The following CCDC192 variants were observed in gnomAD, a reference collection of about 807,000 sequenced individuals.
CCDC192 encodes coiled-coil domain-containing protein 192.
chr5:127,718,270 G>A (rs1751755245), intron 2 of CCDC192, among the ~76,000 whole-genome samples: 1 of 152,124 alleles, frequency 6.6e-6, no homozygotes, highest in Admixed American at 6.6e-5. Flanking sequence ...AAGAAATTTA[G>A]AAAACACGTG....
intron 6 of CCDC192, among the ~76,000 whole-genome samples, chr5:127,891,964 G>T (rs940992241): frequency 1.3e-5 from 2 of 152,126 alleles, no homozygotes; most frequent in East Asian, 3.8e-4. Context: ...CAGCATATTT[G>T]TATCCTCCCA....
At chr5:127,769,656 G>A (rs1303083216) in intron 3 of CCDC192, among the ~76,000 whole-genome samples, 2 of 152,150 alleles carry the variant, frequency 1.3e-5, no homozygotes, top group Non-Finnish European at 2.9e-5. Flanking sequence ...AGAGAATTCT[G>A]TCCTAGAAAC....
At chr5:127,898,778 A>T (rs946294874) in intron 6 of CCDC192, among the ~76,000 whole-genome samples, 5 of 152,126 alleles carry the variant, frequency 3.3e-5, no homozygotes, top group African/African-American at 1.2e-4. Flanking sequence ...GGGAGGGAGA[A>T]AGACAGAGGT....
chr5:127,757,166 A>G (rs1189867171), intron 3 of CCDC192, among the ~76,000 whole-genome samples: 1 of 152,186 alleles, frequency 6.6e-6, no homozygotes, highest in Non-Finnish European at 1.5e-5. Context: ...AAATTGGAAG[A>G]CATGGAGAAT....
chr5:127,887,214 A>T (rs1752591870), intron 6 of CCDC192, among the ~76,000 whole-genome samples: 1 of 151,342 alleles, frequency 6.6e-6, no homozygotes, highest in African/African-American at 2.4e-5. Context: ...ATGTAATCCC[A>T]GCTACTCTGG....
chr5:127,912,093 T>G (rs1337318935), intron 6 of CCDC192, among the ~76,000 whole-genome samples: 2 of 151,700 alleles, frequency 1.3e-5, no homozygotes, highest in Non-Finnish European at 2.9e-5. Flanking sequence ...AGCTAATTTT[T>G]TTTTTTTTTT....
At chr5:127,854,784 C>T (rs889526654) in intron 5 of CCDC192, among the ~76,000 whole-genome samples, 2 of 152,052 alleles carry the variant, frequency 1.3e-5, no homozygotes, top group African/African-American at 2.4e-5. Flanking sequence ...TTTGGTTTCC[C>T]AGTGCATATA....
At chr5:127,749,857 A>C (rs1395442745) in intron 2 of CCDC192, among the ~76,000 whole-genome samples, 1 of 152,150 alleles carries the variant, frequency 6.6e-6, no homozygotes, top group Non-Finnish European at 1.5e-5. Context: ...TGTATATGTC[A>C]AGGAATTTAT....
At chr5:127,740,182 T>C (rs1485544806) in intron 2 of CCDC192, 1 of 152,236 alleles carries the variant, frequency 6.6e-6, no homozygotes, top group Non-Finnish European at 1.5e-5. Flanking sequence ...ACAATGGTGT[T>C]CTCATTTTAC....
At chr5:127,715,624 C>G (rs957660109) in intron 2 of CCDC192, among the ~76,000 whole-genome samples, 1 of 152,102 alleles carries the variant, frequency 6.6e-6, no homozygotes, top group Non-Finnish European at 1.5e-5. Flanking sequence ...TGAAGGATAC[C>G]ATTGGTATTT....
chr5:127,860,010 C>A (rs1347624331), intron 5 of CCDC192, among the ~76,000 whole-genome samples: 1 of 152,128 alleles, frequency 6.6e-6, no homozygotes, highest in Non-Finnish European at 1.5e-5. Flanking sequence ...CCTTGTACCC[C>A]TTTCTTCCTA....
At chr5:127,925,378 TC>T (rs1368617284) in intron 6 of CCDC192, among the ~76,000 whole-genome samples, 1 of 151,638 alleles carries the variant, frequency 6.6e-6, no homozygotes, top group Non-Finnish European at 1.5e-5. Flanking sequence ...AAAAATAAAA[TC>T]AAGCTGATAA....
At chr5:127,878,425 A>G (rs1476152954) in intron 6 of CCDC192, among the ~76,000 whole-genome samples, 1 of 152,250 alleles carries the variant, frequency 6.6e-6, no homozygotes, top group African/African-American at 2.4e-5. Flanking sequence ...TACGAAAAGC[A>G]CAGAGCTGGA....
At chr5:127,824,487 T>G (rs1749432438) in intron 5 of CCDC192, among the ~76,000 whole-genome samples, 1 of 152,108 alleles carries the variant, frequency 6.6e-6, no homozygotes, top group South Asian at 2.1e-4. Flanking sequence ...TCACTGGGGG[T>G]TTATATAAAT....
At chr5:127,873,130 C>T (rs954615135) in intron 5 of CCDC192, among the ~76,000 whole-genome samples, 2 of 152,118 alleles carry the variant, frequency 1.3e-5, no homozygotes, top group Admixed American at 6.6e-5. Context: ...GTGACAGACA[C>T]CATGCCAGCT....
chr5:127,711,112 C>G (rs1222500260), intron 2 of CCDC192, among the ~76,000 whole-genome samples: 1 of 152,114 alleles, frequency 6.6e-6, no homozygotes, highest in Admixed American at 6.5e-5. Context: ...TCCCTCTGAA[C>G]TATTTCTGAG....
chr5:127,704,857 A>AT (rs945779590), intron 1 of CCDC192, among the ~76,000 whole-genome samples: 3 of 150,496 alleles, frequency 2.0e-5, no homozygotes, highest in Non-Finnish European at 4.4e-5. Flanking sequence ...AAATAAATAA[A>AT]TAAATAAATA....
chr5:127,841,449 A>G (rs989479681), intron 5 of CCDC192, among the ~76,000 whole-genome samples: 1 of 152,178 alleles, frequency 6.6e-6, no homozygotes, highest in African/African-American at 2.4e-5. Context: ...GTGATTTTTT[A>G]AACTAGCATC....
At chr5:127,751,500 G>A (rs1754169608) in intron 2 of CCDC192, among the ~76,000 whole-genome samples, 1 of 152,112 alleles carries the variant, frequency 6.6e-6, no homozygotes, top group African/African-American at 2.4e-5. Flanking sequence ...AGTCTGATGG[G>A]CTTCCCTTTG....
Sources: allele counts gnomAD v4.1 joint callset (sites outside exome capture counted in the v4.1 genomes callset), GRCh38; gene constraint gnomAD v4.1.1; transcripts MANE v1.5; gene names NCBI Gene and HGNC (gene_info 2026-07-23, HGNC 2026-07-21).